Variants in COL5A1 observed in about 807,000 individuals in gnomAD.
COL5A1 encodes collagen type V alpha 1 chain.
A neutral mutation model predicts 263.7 loss-of-function variants in COL5A1; 16 were observed. The observed-to-expected ratio is 0.06, with a 90% CI of 0.04 to 0.09. The LOEUF is 0.09. Ranked by LOEUF, COL5A1 falls within the 10% of genes least tolerant of loss-of-function variation. The pLI is 1.00. For synonymous variants in COL5A1, 1,012 were observed against 1,004.5 expected (o/e 1.01, Z -0.14); for missense variants, 2,036 against 2,540.5 (o/e 0.80, Z 4.27).
In COL5A1 at chr9:134,843,298, G is replaced by A. The variant is rs1830156021; in HGVS notation, c.*995G>A. ...CAGAGCCTGATGGGAGAATGTCCAG[G>A]GCAGGGAAACCACATTTTTTGTAGG... On this transcript the variant is annotated 3_prime_UTR_variant, in exon 66 of 66. Transcript: ENST00000371817. 1 of 152,486 alleles carries A rather than the reference G, an allele frequency of 6.6e-6. No homozygotes were observed. Among genetic ancestry groups the A allele is most frequent in the African/African-American group, 2.4e-5 (1 of 41,392 alleles). 9.4% of individuals were successfully genotyped at this position (152,486 alleles called of 1,614,324 possible).
At chr9:134,760,115 C>T (rs1215418809) in intron 18 of COL5A1, among the ~76,000 whole-genome samples, 31 of 128,080 alleles carry the variant, frequency 2.4e-4, no homozygotes, top group African/African-American at 5.2e-4. Flanking sequence ...CACTCATACA[C>T]GCCCACACAC....
chr9:134,718,217 T>C (rs1473855084), intron 4 of COL5A1, among the ~76,000 whole-genome samples: 4 of 152,172 alleles, frequency 2.6e-5, no homozygotes, highest in Non-Finnish European at 4.4e-5. Context: ...AAGGACAACA[T>C]GCTCCCGCCG....
chr9:134,673,393 G>T (rs1832595804), intron 1 of COL5A1, among the ~76,000 whole-genome samples: 1 of 150,266 alleles, frequency 6.7e-6, no homozygotes, highest in Admixed American at 6.7e-5. Context: ...AAAGTGCTAA[G>T]ATGCTGCAGT....
chr9:134,812,844 G>T, intron 48 of COL5A1, 132 bp downstream of exon 48: 2 of 728,502 alleles, frequency 2.7e-6, no homozygotes, highest in Non-Finnish European at 5.0e-6. Context: ...ACACGTGTGT[G>T]TACCTCTCTG....
At position 134,842,089 on chromosome 9, in the gene COL5A1, G is replaced by A. The variant is rs1390888709; in HGVS notation, c.5371-68G>A. ...TTTTGGAGCCAGACAGATTGTGGGG[G>A]GTGATTGGTAAACCCCAAGACCCCC... On this transcript the variant is annotated intron_variant, in intron 65 of 65. Coordinates refer to ENST00000371817, the MANE Select transcript of COL5A1 (RefSeq NM_000093.5). The surrounding 1 kb of genome is among the most constrained non-coding windows in gnomAD (Gnocchi z 5.8). The A allele has an allele frequency of 4.2e-5, 67 of 1,579,206 alleles. No homozygotes were observed. Among genetic ancestry groups the A allele is most frequent in the Non-Finnish European group, 5.7e-5 (66 of 1,149,340 alleles).
intron 18 of COL5A1, among the ~76,000 whole-genome samples, chr9:134,760,019 CACACACCCACGCACACACGCACAT>C (rs1426936409): frequency 2.7e-5 from 3 of 112,100 alleles, no homozygotes; most frequent in Non-Finnish European, 5.1e-5. Context: ...CACACATGCA[CACACACCCACGCACACACGCACAT>C]ACACACCCAC....
intron 2 of COL5A1, among the ~76,000 whole-genome samples, chr9:134,693,377 G>A (rs374288507): frequency 6.6e-6 from 1 of 152,164 alleles, no homozygotes; most frequent in East Asian, 1.9e-4. Context: ...GTAAATTTCT[G>A]AATAGTCTGC....
rs749162303 is a variant in COL5A1, at chr9:134,815,977, C to G, written c.4111C>G (p.Pro1371Ala). The G allele has an allele frequency of 6.3e-5, 101 of 1,613,938 alleles. No homozygotes were observed. The highest frequency in any genetic ancestry group is 8.2e-5 in the Non-Finnish European group (97 of 1,180,040). ...PPGDKGDDGE[P>A]GQTGSPGPTG... ...TGGTGACAAAGGAGATGATGGTGAA[C>G]CCGGGCAGACGGTGAGTCCACAATC... The change falls in exon 52 of 66, where the codon CCC becomes GCC. Residue 1371 changes from proline (P) to alanine (A), a missense_variant. Pro to Ala is a conservative substitution (Grantham distance 27). This residue lies in a region of COL5A1 where 1,078 missense variants were observed against 1,521.4 expected (regional missense o/e 0.71). Coordinates refer to ENST00000371817, the MANE Select transcript of COL5A1 (RefSeq NM_000093.5).
At chr9:134,816,594 C>T (rs529482820) in intron 52 of COL5A1, among the ~76,000 whole-genome samples, 2 of 152,354 alleles carry the variant, frequency 1.3e-5, no homozygotes, top group South Asian at 4.1e-4. Flanking sequence ...GAGGAGCGTC[C>T]ACTCAGAGAA....
chr9:134,760,178 CACAT>C (rs1358537077), intron 18 of COL5A1, among the ~76,000 whole-genome samples: 8 of 134,812 alleles, frequency 5.9e-5, no homozygotes, highest in Non-Finnish European at 9.5e-5. Context: ...CATGCACACA[CACAT>C]ACACCCCCAC....
Position 134,800,744 on chromosome 9 carries a change from T to TCAAA in COL5A1, c.2953-1205_2953-1202dup, listed in dbSNP as rs1311522017. ...TGGGCAACAGGAGTGAAACTCTGTC[T>TCAAA]CAAACAAAAAAAAAAAAAAAAAAAA... On this transcript the variant is annotated intron_variant, in intron 37 of 65. Transcript: ENST00000371817. Among the ~76,000 whole-genome samples, 257 of 36,030 alleles carry TCAAA rather than the reference T, an allele frequency of 7.1e-3. 1 individual carries two copies. The highest frequency in any genetic ancestry group is 0.031 in the African/African-American group (247 of 7,876). The allele number at this position is 36,030 out of a possible 152,430, so 23.6% of individuals were successfully genotyped here.
At position 134,758,203 on chromosome 9, in the gene COL5A1, C is replaced by G; in HGVS notation, c.1882-40C>G. 2 of 1,611,072 alleles carry G rather than the reference C, an allele frequency of 1.2e-6. No individual in the cohort carries two copies. On this transcript the variant is annotated intron_variant, in intron 17 of 65. Coordinates refer to ENST00000371817, the MANE Select transcript of COL5A1 (RefSeq NM_000093.5). The surrounding 1 kb of genome is among the most constrained non-coding windows in gnomAD (Gnocchi z 4.1). The stretch of plus-strand genomic sequence containing the variant: ...CACCAAGGCGGGGTGTCCACGTGTG[C>G]AGGGTGGCGTCTGAGGCAGCCTTTC...
chr9:134,732,257 C>T (rs547391710), intron 9 of COL5A1, 130 bp downstream of exon 9: 13 of 915,006 alleles, frequency 1.4e-5, no homozygotes, highest in South Asian at 1.1e-4. Flanking sequence ...CGAGCAACCA[C>T]CTGGTCTCGT....
At chr9:134,692,894 G>A (rs1345834506) in intron 2 of COL5A1, among the ~76,000 whole-genome samples, 1 of 152,072 alleles carries the variant, frequency 6.6e-6, no homozygotes, top group Non-Finnish European at 1.5e-5. Context: ...CCAACATAGT[G>A]AAACTCCATC....
chr9:134,811,261 T>G, intron 44 of COL5A1, 78 bp from the exon 45 acceptor site: 1 of 1,354,424 alleles, frequency 7.4e-7, no homozygotes, highest in African/African-American at 1.4e-5. Context: ...GTCCCCGGGC[T>G]CAGGATGCGG....
chr9:134,662,094 A>G (rs1247503183), intron 1 of COL5A1, among the ~76,000 whole-genome samples: 1 of 150,856 alleles, frequency 6.6e-6, no homozygotes, highest in Non-Finnish European at 1.5e-5. Flanking sequence ...CTGGGCTCTA[A>G]GTATGTGCCT....
rs534967166 is a variant in COL5A1 at position 134,789,783 on chromosome 9, C to T, written c.2700+575C>T. On this transcript the variant is annotated intron_variant, in intron 32 of 65. Coordinates refer to ENST00000371817, the MANE Select transcript of COL5A1 (RefSeq NM_000093.5). The surrounding 1 kb of genome is among the most constrained non-coding windows in gnomAD (Gnocchi z 4.8). The stretch of plus-strand genomic sequence containing the variant: ...GGGAGCTGTGTTCTCCCTGCACCTT[C>T]TGGAGCCCCCGCTGGCCCAGGCCTC... Among the ~76,000 whole-genome samples, 1 of 152,350 alleles carries T rather than the reference C, an allele frequency of 6.6e-6. No homozygotes were observed. The highest frequency in any genetic ancestry group is 2.4e-5 in the African/African-American group (1 of 41,584).
intron 59 of COL5A1, among the ~76,000 whole-genome samples, chr9:134,822,721 C>CG (rs891966133): frequency 1.3e-4 from 17 of 132,370 alleles, no homozygotes; most frequent in African/African-American, 2.5e-4. Context: ...TTCCGCTGCG[C>CG]CCCCCCCGCG....
At position 134,702,552 on chromosome 9, in the gene COL5A1, G is replaced by A. The variant is rs1421556937; in HGVS notation, c.654+1219G>A. ...TCTTGGTGTTCTGCCAAGGGCACGC[G>A]AAGGAGACATCACACGTACTAGTTC... On this transcript the variant is annotated intron_variant, in intron 4 of 65. Transcript: ENST00000371817. Among the ~76,000 whole-genome samples, 7 of 152,202 alleles carry A rather than the reference G, an allele frequency of 4.6e-5. No individual in the cohort carries two copies. The South Asian group carries it at 1.0e-3, about 23-fold the overall frequency.
Sources: gnomAD v4.1 joint callset for allele counts (sites outside exome capture counted in the v4.1 genomes callset) on GRCh38, gnomAD v4.1.1 for gene constraint, gnomAD v4.1.1 regional missense constraint, Gnocchi (gnomAD v3.1) non-coding constraint, MANE v1.5 for transcripts, NCBI Gene and HGNC (gene_info 2026-07-23, HGNC 2026-07-21) for gene names.